Variants in FOCAD observed in about 807,000 individuals in gnomAD.
FOCAD encodes the protein focadhesin, also known as KIAA1797.
FOCAD carries 198 observed loss-of-function variants against 225.6 expected under a neutral mutation model. That is an observed-to-expected ratio of 0.88 (90% CI 0.78 to 0.99). The LOEUF (loss-of-function observed/expected upper bound fraction) is 0.99, where lower values mean the gene tolerates loss of function less well. Among genes scored for constraint, FOCAD ranks in the 50% least tolerant of loss-of-function variants. The pLI is 0.00. For missense variants in FOCAD, 2,713 were observed against 2,123.6 expected, an observed-to-expected ratio of 1.28 and a Z score of -5.46; for synonymous variants, 897 against 755.0, an observed-to-expected ratio of 1.19 and a Z score of -3.08.
chr9:20,725,110 A>G (rs1826081605), intron 4 of FOCAD, among the ~76,000 whole-genome samples: 2 of 152,172 alleles, frequency 1.3e-5, no homozygotes, highest in Admixed American at 6.5e-5. Context: ...AAGCAGAGGT[A>G]GCATTGAGCC....
chr9:20,769,484 A>G (rs998125265), intron 7 of FOCAD, among the ~76,000 whole-genome samples: 1 of 152,198 alleles, frequency 6.6e-6, no homozygotes. Flanking sequence ...GGTCCTTCCT[A>G]TCTAATACAT....
At chr9:20,850,801 A>G (rs1324808389) in intron 15 of FOCAD, among the ~76,000 whole-genome samples, 4 of 149,752 alleles carry the variant, frequency 2.7e-5, no homozygotes, top group Non-Finnish European at 4.5e-5. Context: ...CTCCTTTCTG[A>G]TCTCTGCTCT....
intron 43 of FOCAD, among the ~76,000 whole-genome samples, chr9:20,994,709 CTGTT>C (rs1841930591): frequency 6.6e-6 from 1 of 152,172 alleles, no homozygotes; most frequent in Non-Finnish European, 1.5e-5. Flanking sequence ...AGGGCTTACT[CTGTT>C]TGACCCATGG....
At chr9:20,742,509 T>G (rs995404647) in intron 5 of FOCAD, among the ~76,000 whole-genome samples, 9 of 152,232 alleles carry the variant, frequency 5.9e-5, no homozygotes, top group African/African-American at 1.9e-4. Flanking sequence ...CCTGTGAACC[T>G]GTGAAGAATG....
At chr9:20,964,526 G>T (rs1839071944) in intron 35 of FOCAD, among the ~76,000 whole-genome samples, 1 of 152,150 alleles carries the variant, frequency 6.6e-6, no homozygotes, top group Non-Finnish European at 1.5e-5. Flanking sequence ...AGAGTGGCAG[G>T]TGTGTTGAGC....
Position 20,770,145 on chromosome 9 carries a change from G to A in FOCAD, c.813G>A (p.Gln271=). The change falls in exon 8 of 44, where the codon CAG becomes CAA. Residue 271 remains glutamine (Q), a synonymous_variant. Coordinates refer to ENST00000338382, the MANE Select transcript of FOCAD (RefSeq NM_001375567.1). Reference sequence around the variant, plus strand: ...TTCAGCTTACCCAGATGAGTCTTCAGCTGCTGTGTGTCAGTGAAGTCAGCT... The same window carrying A: ...TTCAGCTTACCCAGATGAGTCTTCAACTGCTGTGTGTCAGTGAAGTCAGCT... The part of the protein sequence containing the change: ...WKIQLTQMSL[Q]LLCVSEVSLK... The A allele has an allele frequency of 6.2e-7, 1 of 1,614,046 alleles. No individual in the cohort carries two copies. The highest frequency in any genetic ancestry group is 1.3e-5 in the African/African-American group (1 of 75,030).
At chr9:20,889,981 CTTT>C (rs1406575606) in intron 21 of FOCAD, among the ~76,000 whole-genome samples, 2 of 152,024 alleles carry the variant, frequency 1.3e-5, no homozygotes, top group Non-Finnish European at 2.9e-5. Flanking sequence ...TCAAATTGGA[CTTT>C]TTATTTTAAT....
At chr9:20,964,525 G>C (rs1368943368) in intron 35 of FOCAD, among the ~76,000 whole-genome samples, 1 of 152,246 alleles carries the variant, frequency 6.6e-6, no homozygotes, top group Admixed American at 6.5e-5. Flanking sequence ...AAGAGTGGCA[G>C]GTGTGTTGAG....
chr9:20,803,029 TTATTAA>T (rs1822015638), intron 11 of FOCAD, among the ~76,000 whole-genome samples: 1 of 152,154 alleles, frequency 6.6e-6, no homozygotes, highest in Non-Finnish European at 1.5e-5. Flanking sequence ...GTGTGAATTA[TTATTAA>T]TAATAATTAT....
chr9:20,758,177 G>T lies in FOCAD; in HGVS notation c.480G>T (p.Gln160His), dbSNP rs747742409. 8 of 1,611,398 alleles carry T rather than the reference G, an allele frequency of 5.0e-6. No homozygotes were observed. Among genetic ancestry groups the T allele is most frequent in the African/African-American group, 1.3e-5 (1 of 74,778 alleles). Residue 160 changes from glutamine to histidine, a missense_variant, in exon 6 of 44, where the codon CAG becomes CAT. By Grantham distance (24) the Gln-to-His change is conservative. Transcript: ENST00000338382. Reference protein sequence around the residue: ...VFLQQLTAFFQQCPERLEVSC... With the variant: ...VFLQQLTAFFHQCPERLEVSC... The stretch of plus-strand genomic sequence containing the variant: ...TGCAGCAGCTGACAGCGTTTTTCCA[G>T]CAGTGCCCTGAAAGGTAATGTAAAA...
chr9:20,736,545 A>G (rs976435340), intron 4 of FOCAD, among the ~76,000 whole-genome samples: 15 of 152,178 alleles, frequency 9.9e-5, no homozygotes, highest in African/African-American at 3.4e-4. Flanking sequence ...AGAGATTTTT[A>G]GGAGTTAGGA....
At chr9:20,731,213 G>A (rs1280532083) in intron 4 of FOCAD, among the ~76,000 whole-genome samples, 1 of 151,886 alleles carries the variant, frequency 6.6e-6, no homozygotes, top group African/African-American at 2.4e-5. Context: ...ACTCCAGCCT[G>A]GGTGACACAG....
chr9:20,769,541 A>G lies in FOCAD; in HGVS notation c.700-491A>G, dbSNP rs145673914. 6.2e-4 allele frequency among the ~76,000 whole-genome samples: 94 copies of G among 152,316 alleles called. 1 individual carries two copies. Among genetic ancestry groups the G allele is most frequent in the Admixed American group, 1.4e-3 (22 of 15,300 alleles). ...TACCATTTGAATATGGTCTTTTACT[A>G]TATCTGCCAAGTGTGGAGATGATAC... On this transcript the variant is annotated intron_variant, in intron 7 of 43. Coordinates refer to ENST00000338382, the MANE Select transcript of FOCAD (RefSeq NM_001375567.1).
At chr9:20,757,276 A>G (rs976239949) in intron 5 of FOCAD, among the ~76,000 whole-genome samples, 1 of 152,246 alleles carries the variant, frequency 6.6e-6, no homozygotes, top group South Asian at 2.1e-4. Context: ...CACATAAATA[A>G]TAGCTAAAAA....
intron 6 of FOCAD, among the ~76,000 whole-genome samples, chr9:20,762,680 CTTTTA>C (rs968423593): frequency 1.3e-5 from 2 of 152,072 alleles, no homozygotes; most frequent in African/African-American, 2.4e-5. Context: ...AAAGAATTCC[CTTTTA>C]TTTTAGATTC....
chr9:20,927,826 A>G lies in FOCAD; in HGVS notation c.3078+1409A>G, dbSNP rs1253972788. ...TGCTAAGATCATGAATTTAGCTTAA[A>G]ACCTTAATGCCGAAGGTCTTCTCTG... On this transcript the variant is annotated intron_variant, in intron 26 of 43. Coordinates refer to ENST00000338382, the MANE Select transcript of FOCAD (RefSeq NM_001375567.1). The G allele has an allele frequency of 2.6e-5, 4 of 152,250 alleles. No individual in the cohort carries two copies. In the East Asian group the frequency reaches 7.7e-4, roughly 29 times the overall value. The allele number at this position is 152,250 out of a possible 1,614,324, so 9.4% of individuals were successfully genotyped here.
At chr9:20,807,063 A>G (rs1822537296) in intron 11 of FOCAD, among the ~76,000 whole-genome samples, 1 of 152,258 alleles carries the variant, frequency 6.6e-6, no homozygotes, top group Non-Finnish European at 1.5e-5. Context: ...AACCCACCTC[A>G]TTAAATTCAT....
chr9:20,724,758 A>G (rs1430964323), intron 4 of FOCAD, among the ~76,000 whole-genome samples: 2 of 152,038 alleles, frequency 1.3e-5, no homozygotes, highest in Admixed American at 6.5e-5. Context: ...CAACAAAATG[A>G]GAATCCATTT....
At chr9:20,807,966 G>T (rs1434546552) in intron 11 of FOCAD, among the ~76,000 whole-genome samples, 3 of 151,942 alleles carry the variant, frequency 2.0e-5, no homozygotes, top group Non-Finnish European at 4.4e-5. Flanking sequence ...CATGAGAATC[G>T]CTTGAACCCA....
Sources: gnomAD v4.1 joint callset for allele counts (sites outside exome capture counted in the v4.1 genomes callset) on GRCh38, gnomAD v4.1.1 for gene constraint, MANE v1.5 for transcripts, NCBI Gene and HGNC (gene_info 2026-07-23, HGNC 2026-07-21) for gene names.